ANKRD16: variants seen among roughly 807,000 people sequenced by gnomAD.
ANKRD16 encodes ankyrin repeat domain 16.
ANKRD16 carries 35 observed loss-of-function variants against 37.9 expected under a neutral mutation model. The observed-to-expected ratio is 0.92, with a 90% CI of 0.71 to 1.23. ANKRD16 has a LOEUF of 1.23. ANKRD16 is among the 50% of genes most tolerant of loss of function. The probability of loss-of-function intolerance (pLI) is 0.00; values close to 1 mark genes in which losing one functional copy is unlikely to be tolerated. For missense variants in ANKRD16, 480 were observed against 469.9 expected (o/e 1.02, Z -0.20); for synonymous variants, 206 against 197.2 (o/e 1.04, Z -0.37).
chr10:5,888,684 G>A (rs1217766143), intron 1 of ANKRD16, among the ~76,000 whole-genome samples: 2 of 152,240 alleles, frequency 1.3e-5, no homozygotes, highest in African/African-American at 2.4e-5. Context: ...ATGCATTGGT[G>A]CAGAAGTAAC....
intron 3 of ANKRD16, among the ~76,000 whole-genome samples, chr10:5,885,269 C>T (rs1177530891): frequency 6.6e-6 from 1 of 152,128 alleles, no homozygotes; most frequent in East Asian, 1.9e-4. Flanking sequence ...CAAGCTCCGC[C>T]TCTTGGGTTC....
intron 1 of ANKRD16, among the ~76,000 whole-genome samples, 182 bp from the exon 2 acceptor site, chr10:5,888,249 AAAT>A (rs1842480973): frequency 1.3e-5 from 2 of 152,128 alleles, no homozygotes; most frequent in South Asian, 2.1e-4. Context: ...ACCCTGGGAG[AAAT>A]AATAAGGGGA....
intron 7 of ANKRD16, among the ~76,000 whole-genome samples, chr10:5,875,332 T>C (rs1842167015): frequency 6.6e-6 from 1 of 152,222 alleles, no homozygotes; most frequent in African/African-American, 2.4e-5. Context: ...ATTCATTAAC[T>C]ATATAATAAT....
chr10:5,888,969 G>C (rs1409150282), intron 1 of ANKRD16, 72 bp downstream of exon 1: 8 of 1,413,990 alleles, frequency 5.7e-6, no homozygotes, highest in African/African-American at 2.9e-5. Context: ...CAAGGGGACG[G>C]AGAAGCACAG....
rs1398856371 is a variant in ANKRD16, at chr10:5,862,751, C to A, written c.*34-60G>T. 3 of 1,196,116 alleles carry A rather than the reference C, an allele frequency of 2.5e-6. No homozygotes were observed. The highest frequency in any genetic ancestry group is 3.1e-5 in the African/African-American group (2 of 63,588). The allele number at this position is 1,196,116 out of a possible 1,614,324, so 74.1% of individuals were successfully genotyped here. A position where few individuals can be genotyped will look rare whatever the true frequency, so the allele number is the denominator to read the frequency against. On this transcript the variant is annotated intron_variant, in intron 7 of 7. Coordinates refer to ENST00000380094, the MANE Select transcript of ANKRD16 (RefSeq NM_019046.3). The surrounding 1 kb of genome is among the most constrained non-coding windows in gnomAD (Gnocchi z 6.5). ...AGATGAAACAGAAGCTCAGAGAGGG[C>A]AAGCAGCTAGCACAAGGTCCCACAG...
chr10:5,881,444 ATATATAT>A (rs781220617), intron 5 of ANKRD16, among the ~76,000 whole-genome samples: 38,897 of 112,946 alleles, frequency 0.34, 8,058 homozygotes, highest in Non-Finnish European at 0.41. Flanking sequence ...TTATTTATAT[ATATATAT>A]ATATATATAT....
chr10:5,879,533 G>A (rs935415584), intron 6 of ANKRD16, among the ~76,000 whole-genome samples: 4 of 151,886 alleles, frequency 2.6e-5, no homozygotes, highest in African/African-American at 9.7e-5. Flanking sequence ...ATGTTAGAGG[G>A]TTTATTTTAA....
Position 5,862,373 on chromosome 10 carries a change from G to A in ANKRD16, c.*352C>T. 1 of 446,846 alleles carries A rather than the reference G, an allele frequency of 2.2e-6. No individual in the cohort carries two copies. The highest frequency in any genetic ancestry group is 2.6e-5 in the Admixed American group (1 of 38,428). The allele number at this position is 446,846 out of a possible 1,614,324, so 27.7% of individuals were successfully genotyped here. ...GAGGGTTGTGACGATCAGGGCAGAG[G>A]CAGAAGGCACCACCTCAATCTGGGC... On this transcript the variant is annotated 3_prime_UTR_variant, in exon 8 of 8. Coordinates refer to ENST00000380094, the MANE Select transcript of ANKRD16 (RefSeq NM_019046.3). The surrounding 1 kb of genome is among the most constrained non-coding windows in gnomAD (Gnocchi z 6.5).
At chr10:5,873,183 C>T (rs944426471) in intron 7 of ANKRD16, among the ~76,000 whole-genome samples, 7 of 152,134 alleles carry the variant, frequency 4.6e-5, no homozygotes, top group African/African-American at 1.7e-4. Context: ...TCGCATGCCA[C>T]CATGCCCAGC....
intron 3 of ANKRD16, among the ~76,000 whole-genome samples, chr10:5,884,639 G>A (rs1264404302): frequency 6.6e-6 from 1 of 151,064 alleles, no homozygotes; most frequent in Non-Finnish European, 1.5e-5. Context: ...GGTTGAGGCA[G>A]GAGAATCGCT....
chr10:5,865,524 G>C lies in ANKRD16; in HGVS notation c.*34-2833C>G, dbSNP rs1044041420. 6.6e-6 allele frequency among the ~76,000 whole-genome samples: 1 copy of C among 152,300 alleles called. No individual in the cohort carries two copies. The highest frequency in any genetic ancestry group is 1.9e-4 in the East Asian group (1 of 5,180). ...TCCCAGACAGCTGTCCTTGAGGTCTGTTACCATCTGAGGCTCAGTGTTAAT... is the reference window on the plus strand; with the variant it reads ...TCCCAGACAGCTGTCCTTGAGGTCTCTTACCATCTGAGGCTCAGTGTTAAT... On this transcript the variant is annotated intron_variant, in intron 7 of 7. Coordinates refer to ENST00000380094, the MANE Select transcript of ANKRD16 (RefSeq NM_019046.3). This position sits in a 1 kb window ranked among gnomAD's most constrained non-coding sequence, Gnocchi z 4.7.
intron 7 of ANKRD16, among the ~76,000 whole-genome samples, chr10:5,877,015 G>A (rs762585474): frequency 2.5e-4 from 38 of 152,338 alleles, no homozygotes; most frequent in Non-Finnish European, 4.4e-4. Context: ...GCTTCCGTGG[G>A]TGGATGGGAC....
chr10:5,877,751 A>G (rs961868293), intron 7 of ANKRD16, among the ~76,000 whole-genome samples: 6 of 152,238 alleles, frequency 3.9e-5, no homozygotes, highest in African/African-American at 1.4e-4. Context: ...TGCAGCAGTT[A>G]CTATAAGATA....
intron 5 of ANKRD16, chr10:5,881,081 GA>G: frequency 1.2e-6 from 1 of 830,016 alleles, no homozygotes; most frequent in Non-Finnish European, 1.5e-6. Context: ...TTACAGGTGT[GA>G]GCCACTGCGC....
chr10:5,872,795 A>AT (rs1666406334), intron 7 of ANKRD16, among the ~76,000 whole-genome samples: 1 of 151,850 alleles, frequency 6.6e-6, no homozygotes, highest in Non-Finnish European at 1.5e-5. Context: ...TGACCTCGTG[A>AT]TCTGCCCCCC....
chr10:5,885,914 C>G, intron 2 of ANKRD16, 149 bp from the exon 3 acceptor site: 1 of 702,716 alleles, frequency 1.4e-6, no homozygotes, highest in African/African-American at 1.8e-5. Flanking sequence ...CCGCCCTACA[C>G]GAATAAATAT....
intron 5 of ANKRD16, among the ~76,000 whole-genome samples, chr10:5,881,798 C>G (rs184536979): frequency 5.9e-5 from 9 of 151,388 alleles, no homozygotes; most frequent in Non-Finnish European, 1.3e-4. Flanking sequence ...CACCATTCTC[C>G]TGCCTCAGTC....
rs2131751228 is a variant in ANKRD16, at chr10:5,864,662, A to C, written c.*34-1971T>G. ...TAAATGACAGAATGACAGCCGAAGAAAGGGACAAATTCCCTACTGGTCAGC... is the reference window on the plus strand; with the variant it reads ...TAAATGACAGAATGACAGCCGAAGACAGGGACAAATTCCCTACTGGTCAGC... On this transcript the variant is annotated intron_variant, in intron 7 of 7. Coordinates refer to ENST00000380094, the MANE Select transcript of ANKRD16 (RefSeq NM_019046.3). This position sits in a 1 kb window ranked among gnomAD's most constrained non-coding sequence, Gnocchi z 4.4. Among the ~76,000 whole-genome samples, 1 of 152,300 alleles carries C rather than the reference A, an allele frequency of 6.6e-6. No homozygotes were observed. Among genetic ancestry groups the C allele is most frequent in the Non-Finnish European group, 1.5e-5 (1 of 68,032 alleles).
Position 5,884,030 on chromosome 10 carries a change from A to G in ANKRD16, c.626T>C (p.Leu209Ser), listed in dbSNP as rs1446041686. The change falls in exon 4 of 8, where the codon TTG becomes TCG. Residue 209 changes from leucine to serine, a missense_variant. Transcript: ENST00000380094. ...GTGCCCACACTGGATTGCGTCCATC[A>G]AGGCGGTGACGCCACAGTTGTCTCT... Reference protein sequence around the residue: ...DYRDNCGVTALMDAIQCGHID... With the variant: ...DYRDNCGVTASMDAIQCGHID... 1 of 1,614,088 alleles carries G rather than the reference A, an allele frequency of 6.2e-7. No homozygotes were observed. Among genetic ancestry groups the G allele is most frequent in the African/African-American group, 1.3e-5 (1 of 74,954 alleles).
Sources: allele counts gnomAD v4.1 joint callset (sites outside exome capture counted in the v4.1 genomes callset), GRCh38; gene constraint gnomAD v4.1.1; non-coding constraint Gnocchi (gnomAD v3.1); transcripts MANE v1.5; gene names NCBI Gene and HGNC (gene_info 2026-07-23, HGNC 2026-07-21).